NSG1: variants seen among roughly 807,000 people sequenced by gnomAD.
NSG1 encodes neuronal vesicle trafficking associated 1.
NSG1 carries 9 observed loss-of-function variants against 19.3 expected under a neutral mutation model. That is an observed-to-expected ratio of 0.47 (90% confidence interval 0.28 to 0.81). The LOEUF (loss-of-function observed/expected upper bound fraction) is 0.81. Ranked by LOEUF, NSG1 falls within the 40% of genes least tolerant of loss-of-function variation. The probability of loss-of-function intolerance (pLI) is 0.11; values close to 1 mark genes in which losing one functional copy is unlikely to be tolerated. For synonymous variants in NSG1, 104 were observed against 107.0 expected (o/e 0.97, Z 0.17); for missense variants, 236 against 242.4 (o/e 0.97, Z 0.18).
At chr4:4,415,428 T>A (rs545850619) in intron 4 of NSG1, among the ~76,000 whole-genome samples, 1 of 152,180 alleles carries the variant, frequency 6.6e-6, no homozygotes, top group Non-Finnish European at 1.5e-5. Flanking sequence ...ACCCCACAGG[T>A]GAGGGTGGCT....
In NSG1 at chr4:4,387,594, C is replaced by A. The variant is rs1193720752; in HGVS notation, c.-26-10C>A. On this transcript the variant is annotated splice_polypyrimidine_tract_variant and intron_variant, in intron 1 of 4. Coordinates refer to ENST00000621129, the MANE Select transcript of NSG1 (RefSeq NM_014392.5). ...GCTTGTGGTGACTCCCCCCGGCCCTCCCGCCGCAGGCTGCAGCCTCGGAGC... is the reference window on the plus strand; with the variant it reads ...GCTTGTGGTGACTCCCCCCGGCCCTACCGCCGCAGGCTGCAGCCTCGGAGC... 3 of 1,595,134 alleles carry A rather than the reference C, an allele frequency of 1.9e-6. No individual in the cohort carries two copies. Among genetic ancestry groups the A allele is most frequent in the Non-Finnish European group, 2.6e-6 (3 of 1,169,210 alleles).
Position 4,418,246 on chromosome 4 carries a change from C to T in NSG1, c.*811C>T, listed in dbSNP as rs1054062139. On this transcript the variant is annotated 3_prime_UTR_variant, in exon 5 of 5. Transcript: ENST00000621129. ...GTGATGTGCTGATAGGAAAGAGCCC[C>T]CACTGGCCCTCTGGTTCACTTCTAT... 6.6e-6 allele frequency: 1 copy of T among 152,262 alleles called. No individual in the cohort carries two copies. The highest frequency in any genetic ancestry group is 2.4e-5 in the African/African-American group (1 of 41,458). The allele number at this position is 152,262 out of a possible 1,614,324, so 9.4% of individuals were successfully genotyped here.
chr4:4,400,417 G>T (rs1723489869), intron 3 of NSG1, among the ~76,000 whole-genome samples: 1 of 152,150 alleles, frequency 6.6e-6, no homozygotes, highest in Non-Finnish European at 1.5e-5. Flanking sequence ...TTGTTTTCAA[G>T]ACTGGTTTTG....
intron 4 of NSG1, among the ~76,000 whole-genome samples, chr4:4,416,356 G>C (rs1266243656): frequency 1.3e-5 from 2 of 152,156 alleles, no homozygotes; most frequent in Non-Finnish European, 2.9e-5. Flanking sequence ...TGTTCACAAG[G>C]GCCTTGCAGG....
At chr4:4,405,974 G>T (rs1723832147) in intron 3 of NSG1, among the ~76,000 whole-genome samples, 1 of 152,172 alleles carries the variant, frequency 6.6e-6, no homozygotes, top group African/African-American at 2.4e-5. Context: ...AAACTGATGT[G>T]GCTTCCCAAC....
rs1374189663 is a variant in NSG1 at position 4,402,410 on chromosome 4, C to T, written c.247-7163C>T. Among the ~76,000 whole-genome samples, 20 of 82,556 alleles carry T rather than the reference C, an allele frequency of 2.4e-4. 1 individual carries two copies. Among genetic ancestry groups the T allele is most frequent in the Admixed American group, 1.2e-3 (6 of 5,024 alleles). 54.2% of individuals were successfully genotyped at this position (82,556 alleles called of 152,430 possible). A position where few individuals can be genotyped will look rare whatever the true frequency, so the allele number is the denominator to read the frequency against. On this transcript the variant is annotated intron_variant, in intron 3 of 4. Transcript: ENST00000621129. ...TTTTTTTTTTTTTTTTTTTTTGAGA[C>T]GGAGTCTTGCTCTGTCGCCCAGGCT...
chr4:4,405,815 G>A lies in NSG1; in HGVS notation c.247-3758G>A, dbSNP rs74908484. On this transcript the variant is annotated intron_variant, in intron 3 of 4. Coordinates refer to ENST00000621129, the MANE Select transcript of NSG1 (RefSeq NM_014392.5). Reference sequence around the variant, plus strand: ...CTCTCGCATTCTCGTTGCACGGTTCGGCTGGCTCCTCAGCCGTTGGGCCTG... The same window carrying A: ...CTCTCGCATTCTCGTTGCACGGTTCAGCTGGCTCCTCAGCCGTTGGGCCTG... Among the ~76,000 whole-genome samples the A allele has an allele frequency of 1.0e-3, 159 of 152,250 alleles. 1 individual carries two copies. In the East Asian group the frequency reaches 0.026, roughly 25 times the overall value.
chr4:4,409,930 A>G (rs1233428949), intron 4 of NSG1, among the ~76,000 whole-genome samples: 2 of 152,236 alleles, frequency 1.3e-5, no homozygotes, highest in African/African-American at 4.8e-5. Context: ...TGACCTCAGC[A>G]GTCCGGGGAA....
chr4:4,398,334 G>T (rs1723375166), intron 3 of NSG1, among the ~76,000 whole-genome samples: 1 of 152,136 alleles, frequency 6.6e-6, no homozygotes, highest in African/African-American at 2.4e-5. Context: ...ATTAAATTCA[G>T]TGCCATTTAA....
intron 4 of NSG1, among the ~76,000 whole-genome samples, chr4:4,412,583 C>A (rs753053586): frequency 2.6e-5 from 4 of 152,144 alleles, no homozygotes; most frequent in Non-Finnish European, 5.9e-5. Flanking sequence ...AAAGGAGAGG[C>A]GTGAGCTCAT....
At chr4:4,387,534 G>C (rs1722787946) in intron 1 of NSG1, 70 bp from the exon 2 acceptor site, 2 of 1,030,826 alleles carry the variant, frequency 1.9e-6, no homozygotes, top group Non-Finnish European at 2.8e-6. Flanking sequence ...GGTGGGTGTG[G>C]GTGCCCACTT....
At chr4:4,392,198 A>T (rs1723029957) in intron 3 of NSG1, among the ~76,000 whole-genome samples, 1 of 146,766 alleles carries the variant, frequency 6.8e-6, no homozygotes, top group Non-Finnish European at 1.5e-5. Context: ...TGCTGCTGAG[A>T]GCGGGAGGGT....
chr4:4,417,129 C>A, intron 4 of NSG1, 106 bp from the exon 5 acceptor site: 1 of 930,784 alleles, frequency 1.1e-6, no homozygotes, highest in Non-Finnish European at 1.7e-6. Flanking sequence ...GTATCTATTC[C>A]TCCAAGCTCA....
intron 2 of NSG1, among the ~76,000 whole-genome samples, chr4:4,391,201 G>A (rs1018403289): frequency 1.3e-5 from 2 of 152,212 alleles, no homozygotes; most frequent in Non-Finnish European, 1.5e-5. Flanking sequence ...CCGCCCTGCC[G>A]CCTATAAACC....
At chr4:4,399,442 C>A (rs1353083214) in intron 3 of NSG1, among the ~76,000 whole-genome samples, 1 of 145,196 alleles carries the variant, frequency 6.9e-6, no homozygotes, top group Admixed American at 6.9e-5. Flanking sequence ...CTCACCCAGC[C>A]GTGTTTTTGT....
chr4:4,387,561 C>CCGGGGTGGGGGGG, intron 1 of NSG1, 43 bp from the exon 2 acceptor site: 3 of 1,141,990 alleles, frequency 2.6e-6, no homozygotes, highest in Non-Finnish European at 3.7e-6. Context: ...CGCCCCGCCC[C>CCGGGGTGGGGGGG]GGGTCTTGCT....
chr4:4,416,172 G>C (rs7678778), intron 4 of NSG1: 151,914 of 702,026 alleles, frequency 0.22, 20,497 homozygotes, highest in African/African-American at 0.54. Context: ...ACCTGAGATT[G>C]AGAGAGAAAA....
intron 3 of NSG1, among the ~76,000 whole-genome samples, chr4:4,393,636 G>T (rs902647421): frequency 1.3e-5 from 2 of 152,226 alleles, no homozygotes; most frequent in African/African-American, 4.8e-5. Flanking sequence ...GTGTTCCTCT[G>T]CTTAGTTTTC....
At chr4:4,392,432 C>T (rs1172178886) in intron 3 of NSG1, among the ~76,000 whole-genome samples, 2 of 152,122 alleles carry the variant, frequency 1.3e-5, no homozygotes, top group Admixed American at 1.3e-4. Context: ...CTCTGGTCAC[C>T]CTCCACTTGG....
Sources: gnomAD v4.1 joint callset for allele counts (sites outside exome capture counted in the v4.1 genomes callset) on GRCh38, gnomAD v4.1.1 for gene constraint, MANE v1.5 for transcripts, NCBI Gene and HGNC (gene_info 2026-07-23, HGNC 2026-07-21) for gene names.